The following CASKIN2 variants were observed in gnomAD, a reference collection of about 807,000 sequenced individuals.
CASKIN2 encodes the protein caskin-2.
In CASKIN2, 41 loss-of-function variants were observed where a neutral mutation model predicts 107.1. That is an observed-to-expected ratio of 0.38 (90% CI 0.30 to 0.50). The LOEUF is 0.50. Among genes scored for constraint, CASKIN2 ranks in the 20% least tolerant of loss-of-function variants. The pLI, the probability that CASKIN2 is intolerant of heterozygous loss-of-function variation, is 0.92. For missense variants in CASKIN2, 1,546 were observed against 1,657.4 expected, an observed-to-expected ratio of 0.93 and a Z score of 1.17; for synonymous variants, 724 against 705.6, an observed-to-expected ratio of 1.03 and a Z score of -0.41.
Position 75,505,472 on chromosome 17 carries a change from C to T in CASKIN2, c.930+85G>A. On this transcript the variant is annotated intron_variant, in intron 10 of 19. Coordinates refer to ENST00000321617, the MANE Select transcript of CASKIN2 (RefSeq NM_020753.5). This position sits in a 1 kb window ranked among gnomAD's most constrained non-coding sequence, Gnocchi z 5.1. ...GAGGGTGCATATAGAGACCTCAGAG[C>T]AGAACGTGGTAACATAGCAGGTGCC... 7.9e-7 allele frequency: 1 copy of T among 1,273,342 alleles called. No homozygotes were observed. Among genetic ancestry groups the T allele is most frequent in the Non-Finnish European group, 1.1e-6 (1 of 872,332 alleles). 78.9% of individuals were successfully genotyped at this position (1,273,342 alleles called of 1,614,324 possible).
At chr17:75,510,309 G>C (rs977230896) in intron 2 of CASKIN2, among the ~76,000 whole-genome samples, 1 of 152,192 alleles carries the variant, frequency 6.6e-6, no homozygotes, top group African/African-American at 2.4e-5. Flanking sequence ...GAATTGGCCT[G>C]ATATCAAATG....
At position 75,502,586 on chromosome 17, in the gene CASKIN2, T is replaced by G. The variant is rs968780376; in HGVS notation, c.2488A>C (p.Thr830Pro). Residue 830 changes from threonine to proline, a missense_variant, in exon 18 of 20, where the codon ACC becomes CCC. This residue lies in a region of CASKIN2 where 1,311 missense variants were observed against 1,311.0 expected (regional missense o/e 1.00). Coordinates refer to ENST00000321617, the MANE Select transcript of CASKIN2 (RefSeq NM_020753.5). The surrounding 1 kb of genome is among the most constrained non-coding windows in gnomAD (Gnocchi z 4.3). ...AGGGCACTGCGTCCTGGCCGCCGGGTAAGGGTAGCATAACTGCCTAGGGTG... is the reference window on the plus strand; with the variant it reads ...AGGGCACTGCGTCCTGGCCGCCGGGGAAGGGTAGCATAACTGCCTAGGGTG... ...GSTLGSYATL[T>P]RRPGRSALVR... The G allele has an allele frequency of 7.5e-6, 12 of 1,595,132 alleles. 1 individual carries two copies. The highest frequency in any genetic ancestry group is 6.9e-5 in the Admixed American group (4 of 58,314).
Position 75,502,507 on chromosome 17 carries a change from C to A in CASKIN2, c.2567G>T (p.Ser856Ile). 6.8e-7 allele frequency: 1 copy of A among 1,470,522 alleles called. No homozygotes were observed. The highest frequency in any genetic ancestry group is 9.0e-7 in the Non-Finnish European group (1 of 1,105,934). The allele number at this position is 1,470,522 out of a possible 1,614,324, so 91.1% of individuals were successfully genotyped here. Residue 856 changes from serine to isoleucine, a missense_variant, in exon 18 of 20, where the codon AGC becomes ATC. Coordinates refer to ENST00000321617, the MANE Select transcript of CASKIN2 (RefSeq NM_020753.5). This position sits in a 1 kb window ranked among gnomAD's most constrained non-coding sequence, Gnocchi z 4.3. ...TPTPARGTPR[S>I]QSFALRARRK... is the part of the protein sequence containing the mutation. ...CCGGGCCCGCAGGGCAAAGGACTGG[C>A]TGCGAGGAGTCCCCCGAGCTGGGGT...
chr17:75,501,277 C>T (rs943567168), intron 19 of CASKIN2, 107 bp from the exon 20 acceptor site: 31 of 1,233,118 alleles, frequency 2.5e-5, no homozygotes, highest in Middle Eastern at 2.1e-4. Flanking sequence ...GGCAAGGGAC[C>T]GGCCAGGCTC....
Position 75,506,228 on chromosome 17 carries a change from C to G in CASKIN2, c.726+77G>C. 1 of 1,303,388 alleles carries G rather than the reference C, an allele frequency of 7.7e-7. No homozygotes were observed. Among genetic ancestry groups the G allele is most frequent in the Non-Finnish European group, 1.1e-6 (1 of 919,186 alleles). The allele number at this position is 1,303,388 out of a possible 1,614,324, so 80.7% of individuals were successfully genotyped here. On this transcript the variant is annotated intron_variant, in intron 8 of 19. Transcript: ENST00000321617. The surrounding 1 kb of genome is among the most constrained non-coding windows in gnomAD (Gnocchi z 4.8). ...AAAACCACGCTGGAGTCCTCCGTCC[C>G]GTACCTCCCCAGCCAGTCAGGGGCA... is the stretch of plus-strand genomic sequence containing the variant.
chr17:75,501,733 A>T, intron 18 of CASKIN2, 43 bp from the exon 19 acceptor site: 2 of 1,533,884 alleles, frequency 1.3e-6, no homozygotes, highest in Non-Finnish European at 8.8e-7. Flanking sequence ...GCTGGGTCAG[A>T]CACAACCCTG....
At position 75,500,943 on chromosome 17, in the gene CASKIN2, A is replaced by G; in HGVS notation, c.*137T>C. ...CTGTGGTGCCCACAGCCGCGGGCTG[A>G]GTGGGAAGGGGCCCTGCTAGGAGGG... On this transcript the variant is annotated 3_prime_UTR_variant, in exon 20 of 20. Coordinates refer to ENST00000321617, the MANE Select transcript of CASKIN2 (RefSeq NM_020753.5). 1 of 784,760 alleles carries G rather than the reference A, an allele frequency of 1.3e-6. No individual in the cohort carries two copies. The highest frequency in any genetic ancestry group is 2.1e-6 in the Non-Finnish European group (1 of 482,994). 48.6% of individuals were successfully genotyped at this position (784,760 alleles called of 1,614,324 possible). A position where few individuals can be genotyped will look rare whatever the true frequency, so the allele number is the denominator to read the frequency against.
At position 75,502,998 on chromosome 17, in the gene CASKIN2, A is replaced by C; in HGVS notation, c.2076T>G (p.Pro692=). Residue 692 remains proline (P), a synonymous_variant, in exon 18 of 20, where the codon CCT becomes CCG. Coordinates refer to ENST00000321617, the MANE Select transcript of CASKIN2 (RefSeq NM_020753.5). This position sits in a 1 kb window ranked among gnomAD's most constrained non-coding sequence, Gnocchi z 4.3. The part of the protein sequence containing the change: ...GGGPEPLPLP[P]ARSPSQESIG... ...TGCTCTCCTGGCTGGGAGAGCGGGC[A>C]GGTGGGAGGGGGAGTGGTTCAGGGC... is the stretch of plus-strand genomic sequence containing the variant. 1 of 1,605,628 alleles carries C rather than the reference A, an allele frequency of 6.2e-7. No homozygotes were observed. The highest frequency in any genetic ancestry group is 8.5e-7 in the Non-Finnish European group (1 of 1,177,686).
rs1238614477 is a variant in CASKIN2, at chr17:75,515,495, CTCCTTT to C, written c.-505_-500del. ...CTCCCCCCTGCCCCCCTTTCTCCTT[CTCCTTT>C]TCCAAGGCCGGCTCGGCGCCTCCCG... is the stretch of plus-strand genomic sequence containing the variant. On this transcript the variant is annotated 5_prime_UTR_variant, in exon 1 of 20. Coordinates refer to ENST00000321617, the MANE Select transcript of CASKIN2 (RefSeq NM_020753.5). 6.6e-6 allele frequency: 1 copy of C among 152,606 alleles called. No homozygotes were observed. Among genetic ancestry groups the C allele is most frequent in the Non-Finnish European group, 1.5e-5 (1 of 68,354 alleles). 9.5% of individuals were successfully genotyped at this position (152,606 alleles called of 1,614,324 possible).
Position 75,501,785 on chromosome 17 carries a change from C to T in CASKIN2, c.3289G>A (p.Gly1097Arg), listed in dbSNP as rs74385060. The T allele has an allele frequency of 1.1e-3, 1,718 of 1,534,136 alleles. 15 individuals are homozygous for T. The African/African-American group carries it at 0.019, about 17-fold the overall frequency. ...CACAGGCCTCCCCTCTTACCTGCTCCGGGCACCTTGAGGAGGGCAGCAGGG... is the reference window on the plus strand; with the variant it reads ...CACAGGCCTCCCCTCTTACCTGCTCTGGGCACCTTGAGGAGGGCAGCAGGG... ...AAPAALLKVP[G>R]AGTAPKPVSV... Residue 1097 changes from glycine to arginine, a missense_variant, in exon 18 of 20, where the codon GGA (glycine) becomes AGA (arginine). Around this residue, in one of 6 missense-constraint regions of CASKIN2, gnomAD observed 1,311 missense variants for 1,311.0 expected, o/e 1.00. Transcript: ENST00000321617.
chr17:75,507,169 G>T, intron 4 of CASKIN2, 40 bp from the exon 5 acceptor site: 1 of 1,580,518 alleles, frequency 6.3e-7, no homozygotes, highest in Non-Finnish European at 8.6e-7. Context: ...GTCCTGGGAC[G>T]GCGTTGGGGG....
chr17:75,509,047 C>T (rs866939539), intron 2 of CASKIN2, among the ~76,000 whole-genome samples: 3 of 152,214 alleles, frequency 2.0e-5, no homozygotes, highest in Admixed American at 6.5e-5. Context: ...TCAGACTGCC[C>T]GGGGAGTCAC....
rs1277219822 is a variant in CASKIN2 at position 75,505,368 on chromosome 17, T to G, written c.930+189A>C. On this transcript the variant is annotated intron_variant, in intron 10 of 19. Coordinates refer to ENST00000321617, the MANE Select transcript of CASKIN2 (RefSeq NM_020753.5). This position sits in a 1 kb window ranked among gnomAD's most constrained non-coding sequence, Gnocchi z 5.1. ...ACTTGAATTTCTCTTGATTTTATTTTGTTTAATTCTCAATTTTGTCATCTG... is the reference window on the plus strand; with the variant it reads ...ACTTGAATTTCTCTTGATTTTATTTGGTTTAATTCTCAATTTTGTCATCTG... 1.5e-6 allele frequency: 1 copy of G among 646,004 alleles called. No individual in the cohort carries two copies. Among genetic ancestry groups the G allele is most frequent in the East Asian group, 2.7e-5 (1 of 37,420 alleles). The allele number at this position is 646,004 out of a possible 1,614,324, so 40.0% of individuals were successfully genotyped here. A position where few individuals can be genotyped will look rare whatever the true frequency, so the allele number is the denominator to read the frequency against.
intron 2 of CASKIN2, chr17:75,509,801 A>G (rs1234339542): frequency 2.0e-6 from 2 of 985,464 alleles, no homozygotes; most frequent in African/African-American, 3.5e-5. Flanking sequence ...CCACTCTTCC[A>G]TTAGCCCTCC....
intron 2 of CASKIN2, chr17:75,509,918 G>A: frequency 2.0e-6 from 2 of 985,832 alleles, no homozygotes; most frequent in Non-Finnish European, 1.2e-6. Flanking sequence ...ACAGGGCAAG[G>A]GCCAGGCTGG....
chr17:75,505,889 G>A lies in CASKIN2; in HGVS notation c.767C>T (p.Thr256Met), dbSNP rs763781713. The A allele has an allele frequency of 8.1e-6, 13 of 1,613,462 alleles. No homozygotes were observed. Among genetic ancestry groups the A allele is most frequent in the Admixed American group, 3.3e-5 (2 of 59,988 alleles). Residue 256 changes from threonine to methionine, a missense_variant, in exon 9 of 20, where the codon ACG becomes ATG. Coordinates refer to ENST00000321617, the MANE Select transcript of CASKIN2 (RefSeq NM_020753.5). The surrounding 1 kb of genome is among the most constrained non-coding windows in gnomAD (Gnocchi z 5.1). ...DVNIRNTYNQ[T>M]ALDIVNQFTT... ...GAACTGATTCACTATGTCCAGCGCCGTCTGGTTATACGTATTCCGGATGTT... is the reference window on the plus strand; with the variant it reads ...GAACTGATTCACTATGTCCAGCGCCATCTGGTTATACGTATTCCGGATGTT...
chr17:75,513,674 C>T (rs368128824), intron 2 of CASKIN2, 37 bp downstream of exon 2: 10 of 1,524,692 alleles, frequency 6.6e-6, no homozygotes, highest in African/African-American at 1.4e-5. Flanking sequence ...ACTGAGCGCT[C>T]GGCCTCAGCG....
Position 75,505,100 on chromosome 17 carries a change from C to A in CASKIN2, c.931-27G>T, listed in dbSNP as rs754662931. On this transcript the variant is annotated intron_variant, in intron 10 of 19. Transcript: ENST00000321617. This position sits in a 1 kb window ranked among gnomAD's most constrained non-coding sequence, Gnocchi z 5.1. ...TGCGGCCAGGGGTGGGGGGCGGGGA[C>A]GGTCACTCCCAGCACCAGGCAAGTG... The A allele has an allele frequency of 9.4e-6, 15 of 1,603,166 alleles. No homozygotes were observed. Among genetic ancestry groups the A allele is most frequent in the Non-Finnish European group, 1.3e-5 (15 of 1,177,588 alleles).
chr17:75,502,777 G>A lies in CASKIN2; in HGVS notation c.2297C>T (p.Pro766Leu), dbSNP rs201941913. 1.2e-4 allele frequency: 195 copies of A among 1,601,196 alleles called. No homozygotes were observed. Among genetic ancestry groups the A allele is most frequent in the Non-Finnish European group, 1.5e-4 (171 of 1,174,050 alleles). The change falls in exon 18 of 20, where the codon CCG becomes CTG. Residue 766 changes from proline (P) to leucine (L), a missense_variant. Around this residue, in one of 6 missense-constraint regions of CASKIN2, gnomAD observed 1,311 missense variants for 1,311.0 expected, o/e 1.00. Transcript: ENST00000321617. The surrounding 1 kb of genome is among the most constrained non-coding windows in gnomAD (Gnocchi z 4.3). ...FMYPQGSPSS[P>L]APGPPPGAPW... The stretch of plus-strand genomic sequence containing the variant: ...TGCGCCAGGAGGTGGCCCTGGGGCC[G>A]GGCTAGAGGGTGAGCCCTGGGGGTA...
Sources: allele counts gnomAD v4.1 joint callset (sites outside exome capture counted in the v4.1 genomes callset), GRCh38; gene constraint gnomAD v4.1.1; regional missense constraint gnomAD v4.1.1; non-coding constraint Gnocchi (gnomAD v3.1); transcripts MANE v1.5; gene names NCBI Gene and HGNC (gene_info 2026-07-23, HGNC 2026-07-21).